The following PCDHGA4 variants were observed in gnomAD, a reference collection of about 807,000 sequenced individuals.
The protein encoded by PCDHGA4 is protocadherin gamma subfamily A, 4.
Under a neutral mutation model 54.6 loss-of-function variants are expected in PCDHGA4, and 38 were observed. That is an observed-to-expected ratio of 0.70 (90% CI 0.54 to 0.91). The LOEUF (loss-of-function observed/expected upper bound fraction) is 0.91. Ranked by LOEUF, PCDHGA4 falls within the 40% of genes least tolerant of loss-of-function variation. The pLI, the probability that PCDHGA4 is intolerant of heterozygous loss-of-function variation, is 0.00. For missense variants in PCDHGA4, 1,298 were observed against 1,220.9 expected (o/e 1.06, Z -0.94); for synonymous variants, 511 against 512.9 (o/e 1.00, Z 0.05).
chr5:141,418,087 C>T (rs2096220274), intron 1 of PCDHGA4: 9 of 1,613,894 alleles, frequency 5.6e-6, no homozygotes, highest in Non-Finnish European at 7.6e-6. Flanking sequence ...TGCACTTCAG[C>T]GTAGACGCGC....
chr5:141,420,191 CAAGAT>C, intron 1 of PCDHGA4: 1 of 1,613,720 alleles, frequency 6.2e-7, no homozygotes, highest in Non-Finnish European at 8.5e-7. Context: ...TCCAGCCACA[CAAGAT>C]AACCTCAACA....
intron 1 of PCDHGA4, among the ~76,000 whole-genome samples, chr5:141,406,535 G>A (rs2094820779): frequency 6.6e-6 from 1 of 152,168 alleles, no homozygotes; most frequent in South Asian, 2.1e-4. Context: ...TTCTGACGAA[G>A]ATTCAAACTT....
At chr5:141,458,359 A>C (rs2098943826) in intron 1 of PCDHGA4, among the ~76,000 whole-genome samples, 1 of 152,142 alleles carries the variant, frequency 6.6e-6, no homozygotes, top group Non-Finnish European at 1.5e-5. Context: ...AATAAGCAAG[A>C]AGGAAGGGAG....
chr5:141,448,621 T>C (rs2098597629), intron 1 of PCDHGA4, among the ~76,000 whole-genome samples: 1 of 152,168 alleles, frequency 6.6e-6, no homozygotes, highest in Admixed American at 6.5e-5. Flanking sequence ...TATATCTTCC[T>C]TTCTTCACAT....
intron 2 of PCDHGA4, among the ~76,000 whole-genome samples, chr5:141,499,326 C>T (rs1465474737): frequency 6.6e-6 from 1 of 152,156 alleles, no homozygotes. Context: ...TATCCCTGCT[C>T]TCTCTCAGTT....
intron 1 of PCDHGA4, chr5:141,428,048 G>A: frequency 6.2e-7 from 1 of 1,608,900 alleles, no homozygotes; most frequent in Admixed American, 1.7e-5. Context: ...TGGTGACCAA[G>A]GTGGTGGCGG....
rs922668811 is a variant in PCDHGA4 at position 141,432,984 on chromosome 5, G to A, written c.2515-61823G>A. On this transcript the variant is annotated intron_variant, in intron 1 of 3. Transcript: ENST00000571252. This position sits in a 1 kb window ranked among gnomAD's most constrained non-coding sequence, Gnocchi z 6.0. ...GGAGCGCCGGCGTCGCACTTTGTGG[G>A]CGTGGACGGGGTGCAGGCTTTCCTG... 1.9e-6 allele frequency: 3 copies of A among 1,614,214 alleles called. No individual in the cohort carries two copies. Among genetic ancestry groups the A allele is most frequent in the Admixed American group, 1.7e-5 (1 of 60,028 alleles).
intron 1 of PCDHGA4, among the ~76,000 whole-genome samples, chr5:141,434,888 C>T (rs1287540129): frequency 6.6e-6 from 1 of 150,944 alleles, no homozygotes; most frequent in Non-Finnish European, 1.5e-5. Flanking sequence ...AACAACAATC[C>T]AGTCCCCTTC....
At chr5:141,462,651 CA>C (rs60282352) in intron 1 of PCDHGA4, among the ~76,000 whole-genome samples, 42,411 of 152,004 alleles carry the variant, frequency 0.28, 6,634 homozygotes, top group African/African-American at 0.43. Flanking sequence ...TTTCCATCCT[CA>C]ATTATCTTCA....
chr5:141,356,600 G>A lies in PCDHGA4; in HGVS notation c.1493G>A (p.Arg498Lys). 1.2e-6 allele frequency: 2 copies of A among 1,614,098 alleles called. No individual in the cohort carries two copies. The highest frequency in any genetic ancestry group is 8.5e-7 in the Non-Finnish European group (1 of 1,180,026). ...GCTTACATTCCTGAAAACAACCCCA[G>A]AGGAGCCTCCATCTTATCTATGACT... Reference protein sequence around the residue: ...YSAYIPENNPRGASILSMTAQ... With the variant: ...YSAYIPENNPKGASILSMTAQ... Residue 498 changes from arginine (R) to lysine (K), a missense_variant, in exon 1 of 4, where the codon AGA becomes AAA. Coordinates refer to ENST00000571252, the MANE Select transcript of PCDHGA4 (RefSeq NM_018917.4).
Position 141,491,509 on chromosome 5 carries a change from C to T in PCDHGA4, c.2515-3298C>T. 6.2e-7 allele frequency: 1 copy of T among 1,614,058 alleles called. No individual in the cohort carries two copies. Among genetic ancestry groups the T allele is most frequent in the Non-Finnish European group, 8.5e-7 (1 of 1,180,022 alleles). On this transcript the variant is annotated intron_variant, in intron 1 of 3. Coordinates refer to ENST00000571252, the MANE Select transcript of PCDHGA4 (RefSeq NM_018917.4). The surrounding 1 kb of genome is among the most constrained non-coding windows in gnomAD (Gnocchi z 6.9). Reference sequence around the variant, plus strand: ...CCTGCAGGTGAGCTCGGACGGCACGCTCAAGTACATGGAGGTGACGCTGCG... The same window carrying T: ...CCTGCAGGTGAGCTCGGACGGCACGTTCAAGTACATGGAGGTGACGCTGCG...
At chr5:141,371,123 TC>T in intron 1 of PCDHGA4, 1 of 1,613,954 alleles carries the variant, frequency 6.2e-7, no homozygotes, top group Non-Finnish European at 8.5e-7. Flanking sequence ...CAGTATTTAC[TC>T]AGGACATGTA....
At chr5:141,366,608 A>G (rs1387759369) in intron 1 of PCDHGA4, 1 of 1,614,110 alleles carries the variant, frequency 6.2e-7, no homozygotes, top group Non-Finnish European at 8.5e-7. Context: ...GGTCTCCCTC[A>G]CCGCGGACTC....
intron 2 of PCDHGA4, among the ~76,000 whole-genome samples, chr5:141,502,358 TA>T (rs1283802909): frequency 6.6e-6 from 1 of 152,134 alleles, no homozygotes; most frequent in African/African-American, 2.4e-5. Context: ...ATGACATGGA[TA>T]TTTTTAAAGA....
chr5:141,360,072 C>G (rs1257402709), intron 1 of PCDHGA4: 3 of 1,473,362 alleles, frequency 2.0e-6, no homozygotes, highest in Non-Finnish European at 2.7e-6. Flanking sequence ...GACCTTAGCC[C>G]GGATTCTGCC....
At chr5:141,420,808 G>A (rs539942896) in intron 1 of PCDHGA4, among the ~76,000 whole-genome samples, 2 of 152,288 alleles carry the variant, frequency 1.3e-5, no homozygotes, top group Admixed American at 6.5e-5. Flanking sequence ...AATTAAGCAA[G>A]CCCTTTTAAT....
intron 1 of PCDHGA4, chr5:141,468,541 A>G (rs1407685120): frequency 6.6e-6 from 1 of 152,076 alleles, no homozygotes. Context: ...GTTTCCTGAC[A>G]TATTTAACAT....
chr5:141,477,433 C>T lies in PCDHGA4; in HGVS notation c.2515-17374C>T, dbSNP rs1389102640. On this transcript the variant is annotated intron_variant, in intron 1 of 3. Transcript: ENST00000571252. The surrounding 1 kb of genome is among the most constrained non-coding windows in gnomAD (Gnocchi z 4.9). ...ACGCCGGAACCCCTTCCCTCTCAGCCCTTACAATAGTGCGTGTTCAAGTGT... is the reference window on the plus strand; with the variant it reads ...ACGCCGGAACCCCTTCCCTCTCAGCTCTTACAATAGTGCGTGTTCAAGTGT... 6.2e-7 allele frequency: 1 copy of T among 1,614,048 alleles called. No individual in the cohort carries two copies. The highest frequency in any genetic ancestry group is 2.2e-5 in the East Asian group (1 of 44,892).
chr5:141,379,082 T>C (rs982884901), intron 1 of PCDHGA4: 9 of 152,216 alleles, frequency 5.9e-5, no homozygotes, highest in Non-Finnish European at 1.2e-4. Flanking sequence ...CTGAATTTGT[T>C]ATGAATGTGT....
Sources: gnomAD v4.1 joint callset for allele counts (sites outside exome capture counted in the v4.1 genomes callset) on GRCh38, gnomAD v4.1.1 for gene constraint, Gnocchi (gnomAD v3.1) non-coding constraint, MANE v1.5 for transcripts, NCBI Gene and HGNC (gene_info 2026-07-23, HGNC 2026-07-21) for gene names.